CHRNB3: variants seen among roughly 807,000 people sequenced by gnomAD.
CHRNB3 encodes the protein cholinergic receptor nicotinic beta 3 subunit.
Under a neutral mutation model 40.6 loss-of-function variants are expected in CHRNB3, and 37 were observed. The observed-to-expected ratio is 0.91, with a 90% confidence interval of 0.70 to 1.20. The LOEUF is 1.20. Ranked by LOEUF, CHRNB3 falls within the 50% of genes most tolerant of loss-of-function variation. The pLI is 0.00. For synonymous variants in CHRNB3, 207 were observed against 207.1 expected (o/e 1.00, Z 0.00); for missense variants, 505 against 551.2 (o/e 0.92, Z 0.84).
Position 42,736,840 on chromosome 8 carries a change from C to T in CHRNB3, c.*222C>T. ...AAGTGGAGCCTCCTCAGACCCCTGC[C>T]TTGGCTTTCCCAGACATTCAGGGAG... On this transcript the variant is annotated 3_prime_UTR_variant, in exon 6 of 6. Coordinates refer to ENST00000289957, the MANE Select transcript of CHRNB3 (RefSeq NM_000749.5). 2 of 582,272 alleles carry T rather than the reference C, an allele frequency of 3.4e-6. No individual in the cohort carries two copies. Among genetic ancestry groups the T allele is most frequent in the Non-Finnish European group, 6.0e-6 (2 of 333,572 alleles). The allele number at this position is 582,272 out of a possible 1,614,324, so 36.1% of individuals were successfully genotyped here. A position where few individuals can be genotyped will look rare whatever the true frequency, so the allele number is the denominator to read the frequency against.
intron 1 of CHRNB3, among the ~76,000 whole-genome samples, chr8:42,700,558 G>C (rs1213081129): frequency 6.6e-6 from 1 of 151,980 alleles, no homozygotes; most frequent in African/African-American, 2.4e-5. Flanking sequence ...GACCTTAGGA[G>C]ATCCACCCGC....
chr8:42,733,348 G>T (rs1258313785), intron 5 of CHRNB3, among the ~76,000 whole-genome samples: 1 of 151,982 alleles, frequency 6.6e-6, no homozygotes, highest in Non-Finnish European at 1.5e-5. Flanking sequence ...AGTAGCGTGG[G>T]AAGAGTGTGA....
intron 3 of CHRNB3, among the ~76,000 whole-genome samples, chr8:42,723,876 A>G (rs1473106394): frequency 2.0e-5 from 3 of 152,180 alleles, no homozygotes; most frequent in Non-Finnish European, 2.9e-5. Context: ...ACCTGAAGTC[A>G]GGAGTTCAAG....
At chr8:42,702,766 AAAAT>A (rs761363330) in intron 1 of CHRNB3, among the ~76,000 whole-genome samples, 42 of 152,330 alleles carry the variant, frequency 2.8e-4, no homozygotes, top group Middle Eastern at 6.8e-3. Flanking sequence ...TGTCTCAAAA[AAAAT>A]AAAAAGAATA....
chr8:42,727,150 A>T (rs1266426564), intron 3 of CHRNB3, among the ~76,000 whole-genome samples: 1 of 152,160 alleles, frequency 6.6e-6, no homozygotes, highest in Non-Finnish European at 1.5e-5. Context: ...AGGTGGCTGG[A>T]TCACTTGAGG....
At chr8:42,729,846 A>G (rs753037821) in intron 3 of CHRNB3, among the ~76,000 whole-genome samples, 1 of 152,134 alleles carries the variant, frequency 6.6e-6, no homozygotes, top group African/African-American at 2.4e-5. Context: ...TGGGTCATCC[A>G]TACATCATCC....
chr8:42,699,370 AT>A (rs1815737643), intron 1 of CHRNB3: 1 of 152,228 alleles, frequency 6.6e-6, no homozygotes, highest in Non-Finnish European at 1.5e-5. Context: ...CAATGTGTTT[AT>A]TCATTCAATA....
intron 3 of CHRNB3, 55 bp downstream of exon 3, chr8:42,710,489 A>G: frequency 7.3e-7 from 1 of 1,360,964 alleles, no homozygotes; most frequent in Non-Finnish European, 1.0e-6. Context: ...TTTTCTATTT[A>G]TAAAGGCTCC....
intron 3 of CHRNB3, among the ~76,000 whole-genome samples, chr8:42,717,367 C>T (rs539460494): frequency 5.1e-5 from 1 of 19,750 alleles, no homozygotes; most frequent in East Asian, 1.9e-3. Context: ...GAGCGAGACT[C>T]CGTCTCAAAA....
chr8:42,735,638 C>T (rs1319499739), intron 5 of CHRNB3, among the ~76,000 whole-genome samples: 1 of 152,120 alleles, frequency 6.6e-6, no homozygotes, highest in Non-Finnish European at 1.5e-5. Context: ...GAGGACTCCC[C>T]TTCCTTTCAG....
chr8:42,731,575 A>G, intron 4 of CHRNB3, 92 bp from the exon 5 acceptor site: 1 of 1,344,772 alleles, frequency 7.4e-7, no homozygotes, highest in Non-Finnish European at 1.0e-6. Context: ...AGAAAAGAAA[A>G]GTCATAAAAC....
At chr8:42,699,122 T>C (rs1420234480) in intron 1 of CHRNB3, among the ~76,000 whole-genome samples, 2 of 152,248 alleles carry the variant, frequency 1.3e-5, no homozygotes, top group African/African-American at 4.8e-5. Flanking sequence ...AACTTTACTA[T>C]TCATTGTAAA....
At chr8:42,735,157 T>C (rs1025473200) in intron 5 of CHRNB3, among the ~76,000 whole-genome samples, 4 of 151,720 alleles carry the variant, frequency 2.6e-5, no homozygotes, top group Non-Finnish European at 5.9e-5. Flanking sequence ...GAGACGGAGC[T>C]TGCAGTGAGC....
intron 3 of CHRNB3, among the ~76,000 whole-genome samples, chr8:42,718,875 T>C (rs1195116680): frequency 6.6e-6 from 1 of 152,006 alleles, no homozygotes; most frequent in Admixed American, 6.6e-5. Flanking sequence ...GATTTGAAAT[T>C]GCAATTTTCT....
Position 42,732,057 on chromosome 8 carries a change from AAC to A in CHRNB3, c.752_753del (p.Thr251SerfsTer10). 6.2e-7 allele frequency: 1 copy of A among 1,614,056 alleles called. No homozygotes were observed. Among genetic ancestry groups the A allele is most frequent in the Non-Finnish European group, 8.5e-7 (1 of 1,180,016 alleles). On this transcript the variant is annotated frameshift_variant, in exon 5 of 6. Coordinates refer to ENST00000289957, the MANE Select transcript of CHRNB3 (RefSeq NM_000749.5). LOFTEE classifies it high-confidence loss of function. ...TCCCCTGCCTGGGGCTGTCTTTCCTAACAGTTCTTGTGTTCTATTTACCTTCG... is the reference window on the plus strand; with the variant it reads ...TCCCCTGCCTGGGGCTGTCTTTCCTAAGTTCTTGTGTTCTATTTACCTTCG... Reference protein sequence around the residue: ...IIPCLGLSFLTVLVFYLPSDE... With the variant: ...IIPCLGLSFLXVLVFYLPSDE...
At position 42,710,576 on chromosome 8, in the gene CHRNB3, T is replaced by A; in HGVS notation, c.249+142T>A. ...TGTGGGAAGGGTCTATGGCTTTTAT[T>A]TTCTGTTGTGAGTGTTGGGGAGCTG... On this transcript the variant is annotated intron_variant, in intron 3 of 5. Transcript: ENST00000289957. 4.4e-6 allele frequency: 3 copies of A among 677,840 alleles called. No homozygotes were observed. The East Asian group carries it at 8.5e-5, about 19-fold the overall frequency. The allele number at this position is 677,840 out of a possible 1,614,324, so 42.0% of individuals were successfully genotyped here. A position where few individuals can be genotyped will look rare whatever the true frequency, so the allele number is the denominator to read the frequency against.
At chr8:42,711,760 G>A (rs1431852077) in intron 3 of CHRNB3, among the ~76,000 whole-genome samples, 1 of 152,046 alleles carries the variant, frequency 6.6e-6, no homozygotes, top group African/African-American at 2.4e-5. Context: ...TGTGATGCTG[G>A]GGTTTGGGCT....
In CHRNB3 at chr8:42,725,825, T is replaced by C. The variant is rs974552603; in HGVS notation, c.250-4769T>C. Reference sequence around the variant, plus strand: ...TTTGGAAATCCCTAGGTCACATAAGTTTCCACTATACGCAGCATTTTTAGG... The same window carrying C: ...TTTGGAAATCCCTAGGTCACATAAGCTTCCACTATACGCAGCATTTTTAGG... On this transcript the variant is annotated intron_variant, in intron 3 of 5. Coordinates refer to ENST00000289957, the MANE Select transcript of CHRNB3 (RefSeq NM_000749.5). 1.2e-5 allele frequency: 10 copies of C among 830,328 alleles called. No individual in the cohort carries two copies. In the African/African-American group the frequency reaches 1.5e-4, roughly 12 times the overall value. 51.4% of individuals were successfully genotyped at this position (830,328 alleles called of 1,614,324 possible).
intron 1 of CHRNB3, among the ~76,000 whole-genome samples, chr8:42,703,435 A>AAAAATATATAT: frequency 1.7e-4 from 8 of 47,410 alleles, no homozygotes; most frequent in African/African-American, 2.5e-4. Context: ...AAAAAAAAAA[A>AAAAATATATAT]ATATTTATAT....
Sources: gnomAD v4.1 joint callset for allele counts (sites outside exome capture counted in the v4.1 genomes callset) on GRCh38, gnomAD v4.1.1 for gene constraint, MANE v1.5 for transcripts, NCBI Gene and HGNC (gene_info 2026-07-23, HGNC 2026-07-21) for gene names.